Variants in CAMK2G observed in about 807,000 individuals in gnomAD.
CAMK2G encodes the protein calcium/calmodulin dependent protein kinase II gamma, also known as calcium/calmodulin-dependent protein kinase type II subunit gamma.
Under a neutral mutation model 88.7 loss-of-function variants are expected in CAMK2G, and 23 were observed. That is an observed-to-expected ratio of 0.26 (90% CI 0.19 to 0.37). The LOEUF is 0.37. Ranked by LOEUF, CAMK2G falls within the 10% of genes least tolerant of loss-of-function variation. The pLI, the probability that CAMK2G is intolerant of heterozygous loss-of-function variation, is 1.00. For missense variants in CAMK2G, 476 were observed against 780.8 expected (o/e 0.61, Z 4.65); for synonymous variants, 263 against 294.8 (o/e 0.89, Z 1.11).
At chr10:73,826,620 TG>T (rs1432082629) in intron 15 of CAMK2G, among the ~76,000 whole-genome samples, 1 of 152,186 alleles carries the variant, frequency 6.6e-6, no homozygotes, top group Non-Finnish European at 1.5e-5. Flanking sequence ...CCAGTGGGGT[TG>T]GGGGCCACTG....
chr10:73,815,236 T>G lies in CAMK2G; in HGVS notation c.1546A>C (p.Asn516His). Residue 516 changes from asparagine (N) to histidine (H), a missense_variant, in exon 22 of 23, where the codon AAC (asparagine) becomes CAC (histidine). Physicochemically the swap from Asn to His is moderately conservative, Grantham distance 68. Around this residue, in one of 3 missense-constraint regions of CAMK2G, gnomAD observed 278 missense variants for 366.5 expected, o/e 0.76. Transcript: ENST00000423381. Reference sequence around the variant, plus strand: ...ATGGTGGTATGGATAGGCTTGCTGTTCTTGGACAGGACTGCAGGGCAGGGT... The same window carrying G: ...ATGGTGGTATGGATAGGCTTGCTGTGCTTGGACAGGACTGCAGGGCAGGGT... ...KFYFENLLSKNSKPIHTTILN... is the reference protein window; with the variant it reads ...KFYFENLLSKHSKPIHTTILN... The G allele has an allele frequency of 6.2e-6, 10 of 1,613,434 alleles. No homozygotes were observed. The highest frequency in any genetic ancestry group is 8.5e-6 in the Non-Finnish European group (10 of 1,179,358).
chr10:73,858,570 C>G (rs2095209525), intron 3 of CAMK2G, among the ~76,000 whole-genome samples: 1 of 152,132 alleles, frequency 6.6e-6, no homozygotes, highest in East Asian at 1.9e-4. Flanking sequence ...AGAATCGGTC[C>G]TCGGACCAAC....
intron 2 of CAMK2G, among the ~76,000 whole-genome samples, chr10:73,872,177 G>A (rs1225602399): frequency 3.3e-5 from 5 of 152,202 alleles, no homozygotes; most frequent in Non-Finnish European, 5.9e-5. Flanking sequence ...AGTTTGGCAA[G>A]TACCCAATAG....
At chr10:73,825,385 TC>T in intron 15 of CAMK2G, 38 bp from the exon 16 acceptor site, 1 of 1,535,320 alleles carries the variant, frequency 6.5e-7, no homozygotes, top group Non-Finnish European at 9.0e-7. Context: ...TCCTCCAGAG[TC>T]CCCAAGGCCA....
At position 73,842,095 on chromosome 10, in the gene CAMK2G, G is replaced by T; in HGVS notation, c.946+74C>A. 1.6e-6 allele frequency: 2 copies of T among 1,218,260 alleles called. No individual in the cohort carries two copies. The highest frequency in any genetic ancestry group is 2.4e-6 in the Non-Finnish European group (2 of 818,918). The allele number at this position is 1,218,260 out of a possible 1,614,324, so 75.5% of individuals were successfully genotyped here. The stretch of plus-strand genomic sequence containing the variant: ...CAGGACGCCGAGGAAACCCAGCGGT[G>T]CCCGGGATGGCAACAGCCCATTCCT... On this transcript the variant is annotated intron_variant, in intron 12 of 22. Coordinates refer to ENST00000423381, the MANE Select transcript of CAMK2G (RefSeq NM_001367534.1). The surrounding 1 kb of genome is among the most constrained non-coding windows in gnomAD (Gnocchi z 4.6).
rs1381006039 is a variant in CAMK2G at position 73,813,036 on chromosome 10, A to T, written c.*1482T>A. 1.3e-5 allele frequency: 2 copies of T among 152,730 alleles called. No individual in the cohort carries two copies. The highest frequency in any genetic ancestry group is 2.9e-5 in the Non-Finnish European group (2 of 68,050). The allele number at this position is 152,730 out of a possible 1,614,324, so 9.5% of individuals were successfully genotyped here. A position where few individuals can be genotyped will look rare whatever the true frequency, so the allele number is the denominator to read the frequency against. ...TCCTGAAGGTAGTCCAGGGAACTGG[A>T]ATCTACCCACCTTTCCCCCAAAAGT... On this transcript the variant is annotated 3_prime_UTR_variant, in exon 23 of 23. Coordinates refer to ENST00000423381, the MANE Select transcript of CAMK2G (RefSeq NM_001367534.1).
intron 2 of CAMK2G, among the ~76,000 whole-genome samples, chr10:73,866,098 AG>A (rs2095581623): frequency 6.6e-6 from 1 of 152,206 alleles, no homozygotes; most frequent in South Asian, 2.1e-4. Context: ...CCTAGACCAG[AG>A]TGGTCTGAGC....
chr10:73,849,405 T>A, intron 5 of CAMK2G, 72 bp from the exon 6 acceptor site: 1 of 1,087,520 alleles, frequency 9.2e-7, no homozygotes, highest in South Asian at 1.3e-5. Flanking sequence ...AACCACATGC[T>A]GCAGACTAAG....
In CAMK2G at chr10:73,849,579, C is replaced by T. The variant is rs576054876; in HGVS notation, c.342-246G>A. On this transcript the variant is annotated intron_variant, in intron 5 of 22. Coordinates refer to ENST00000423381, the MANE Select transcript of CAMK2G (RefSeq NM_001367534.1). ...TCACCGCTAGAACGGGTTCCTCTCA[C>T]CCCCTTTTGACTGGAAAGGTCTAAC... Among the ~76,000 whole-genome samples the T allele has an allele frequency of 3.3e-5, 5 of 152,322 alleles. No homozygotes were observed. In the South Asian group the frequency reaches 6.2e-4, roughly 19 times the overall value.
intron 21 of CAMK2G, chr10:73,816,273 T>C: frequency 1.0e-6 from 1 of 990,368 alleles, no homozygotes; most frequent in Non-Finnish European, 1.2e-6. Flanking sequence ...TCAGGAAGAT[T>C]CTAGCCACAA....
chr10:73,845,043 T>C (rs1405354020), intron 10 of CAMK2G, among the ~76,000 whole-genome samples: 1 of 152,150 alleles, frequency 6.6e-6, no homozygotes, highest in Non-Finnish European at 1.5e-5. Context: ...TGCTGGTGTG[T>C]AGTGGCCGTC....
intron 2 of CAMK2G, among the ~76,000 whole-genome samples, chr10:73,861,936 C>T (rs1201472469): frequency 6.6e-6 from 1 of 152,164 alleles, no homozygotes; most frequent in East Asian, 1.9e-4. Context: ...TAGTATGATG[C>T]CCATTTTATA....
Position 73,831,311 on chromosome 10 carries a change from G to A in CAMK2G, c.1054-3190C>T, listed in dbSNP as rs538737539. On this transcript the variant is annotated intron_variant, in intron 14 of 22. Coordinates refer to ENST00000423381, the MANE Select transcript of CAMK2G (RefSeq NM_001367534.1). ...TCCCAGCACTTTGGGAGGCTGAGGC[G>A]GGTGGATCACAAGGTCAGGAGATCG... Among the ~76,000 whole-genome samples, 290 of 152,064 alleles carry A rather than the reference G, an allele frequency of 1.9e-3. 2 individuals are homozygous for A. Among genetic ancestry groups the A allele is most frequent in the African/African-American group, 6.6e-3 (275 of 41,510 alleles).
chr10:73,847,833 G>A (rs1041545739), intron 9 of CAMK2G, among the ~76,000 whole-genome samples, 155 bp downstream of exon 9: 4 of 151,872 alleles, frequency 2.6e-5, no homozygotes, highest in Admixed American at 6.6e-5. Flanking sequence ...AGAGTGGCAA[G>A]AATTGGGCCC....
chr10:73,833,596 C>G (rs1327330170), intron 14 of CAMK2G, among the ~76,000 whole-genome samples: 1 of 98,374 alleles, frequency 1.0e-5, no homozygotes, highest in Non-Finnish European at 1.9e-5. Flanking sequence ...GATCATCTAT[C>G]TTCCTTTTTT....
intron 2 of CAMK2G, among the ~76,000 whole-genome samples, chr10:73,861,635 C>T (rs1212112425): frequency 3.9e-5 from 6 of 152,180 alleles, no homozygotes; most frequent in Non-Finnish European, 5.9e-5. Context: ...GGATTATAGG[C>T]GTGAGCCACC....
chr10:73,837,841 A>G (rs2093400614), intron 13 of CAMK2G, among the ~76,000 whole-genome samples: 1 of 152,184 alleles, frequency 6.6e-6, no homozygotes, highest in Non-Finnish European at 1.5e-5. Context: ...CTGGAAGCAG[A>G]GTGCCAGGGT....
At chr10:73,871,904 A>C (rs188154585) in intron 2 of CAMK2G, among the ~76,000 whole-genome samples, 1 of 152,158 alleles carries the variant, frequency 6.6e-6, no homozygotes, top group Non-Finnish European at 1.5e-5. Context: ...TTCTCTAAGC[A>C]TTTGGGACAT....
chr10:73,874,329 GC>G (rs1160540519), intron 1 of CAMK2G, 67 bp downstream of exon 1: 20 of 1,114,054 alleles, frequency 1.8e-5, no homozygotes, highest in Non-Finnish European at 2.4e-5. Flanking sequence ...GGGCCGGGGG[GC>G]GGGGCGAGAA....
Sources: allele counts gnomAD v4.1 joint callset (sites outside exome capture counted in the v4.1 genomes callset), GRCh38; gene constraint gnomAD v4.1.1; regional missense constraint gnomAD v4.1.1; non-coding constraint Gnocchi (gnomAD v3.1); transcripts MANE v1.5; gene names NCBI Gene and HGNC (gene_info 2026-07-23, HGNC 2026-07-21).